BRAF: variants seen among roughly 807,000 people sequenced by gnomAD.
BRAF encodes B-Raf proto-oncogene, serine/threonine kinase.
Under a neutral mutation model 104.6 loss-of-function variants are expected in BRAF, and 16 were observed. The ratio of observed to expected loss-of-function variants is 0.15; its 90% CI spans 0.10 to 0.23. The LOEUF is 0.23. Ranked by LOEUF, BRAF falls within the 10% of genes least tolerant of loss-of-function variation. The probability of loss-of-function intolerance (pLI) is 1.00; values close to 1 mark genes in which losing one functional copy is unlikely to be tolerated. For synonymous variants in BRAF, 310 were observed against 341.6 expected (o/e 0.91, Z 1.02); for missense variants, 541 against 937.3 (o/e 0.58, Z 5.52).
intron 2 of BRAF, among the ~76,000 whole-genome samples, chr7:140,847,071 C>T (rs1808636075): frequency 6.6e-6 from 1 of 152,122 alleles, no homozygotes; most frequent in Non-Finnish European, 1.5e-5. Flanking sequence ...AGGAGAATCA[C>T]TTGAACCCAG....
At chr7:140,791,152 C>T (rs1801922335) in intron 8 of BRAF, among the ~76,000 whole-genome samples, 1 of 151,840 alleles carries the variant, frequency 6.6e-6, no homozygotes, top group Admixed American at 6.6e-5. Context: ...AAAAATTGTC[C>T]CTCAACCCTG....
chr7:140,730,289 T>G (rs1039587394), intron 19 of BRAF, among the ~76,000 whole-genome samples: 6 of 151,926 alleles, frequency 3.9e-5, no homozygotes, highest in Non-Finnish European at 7.4e-5. Flanking sequence ...GGTATATTAA[T>G]TAATAAAAAA....
In BRAF at chr7:140,722,433, C is replaced by T; in HGVS notation, c.*4061G>A. ...GCTTTTTTATTGCATCATGAAGGCACAGTAAGATCATTTGGCAAATTGTCA... is the reference window on the plus strand; with the variant it reads ...GCTTTTTTATTGCATCATGAAGGCATAGTAAGATCATTTGGCAAATTGTCA... On this transcript the variant is annotated 3_prime_UTR_variant, in exon 20 of 20. Coordinates refer to ENST00000644969, the MANE Select transcript of BRAF (RefSeq NM_001374258.1). The T allele has an allele frequency of 1.9e-6, 2 of 1,054,924 alleles. No homozygotes were observed. The highest frequency in any genetic ancestry group is 2.3e-6 in the Non-Finnish European group (2 of 872,826). The allele number at this position is 1,054,924 out of a possible 1,614,324, so 65.3% of individuals were successfully genotyped here. A position where few individuals can be genotyped will look rare whatever the true frequency, so the allele number is the denominator to read the frequency against.
intron 5 of BRAF, among the ~76,000 whole-genome samples, chr7:140,803,719 G>A (rs1052735475): frequency 1.3e-5 from 2 of 152,114 alleles, no homozygotes; most frequent in Non-Finnish European, 2.9e-5. Flanking sequence ...CATGAGTCAC[G>A]TAACAGAACT....
intron 19 of BRAF, chr7:140,733,913 A>T (rs1041663521): frequency 3.0e-5 from 24 of 801,426 alleles, no homozygotes; most frequent in Middle Eastern, 5.9e-4. Flanking sequence ...AGAAACTCCA[A>T]TTTATAACAT....
At chr7:140,739,538 T>C (rs1796731238) in intron 18 of BRAF, among the ~76,000 whole-genome samples, 1 of 149,690 alleles carries the variant, frequency 6.7e-6, no homozygotes, top group Admixed American at 6.6e-5. Flanking sequence ...GGGTCTTCGA[T>C]AATTTTTAAA....
At chr7:140,825,664 T>C (rs1255798542) in intron 3 of BRAF, among the ~76,000 whole-genome samples, 1 of 152,196 alleles carries the variant, frequency 6.6e-6, no homozygotes, top group African/African-American at 2.4e-5. Context: ...TATGGTGCAT[T>C]TGCCCAAGTC....
At chr7:140,779,322 G>C (rs1405964296) in intron 12 of BRAF, among the ~76,000 whole-genome samples, 2 of 152,128 alleles carry the variant, frequency 1.3e-5, no homozygotes, top group African/African-American at 4.8e-5. Context: ...CTGCAGCCTT[G>C]AACTCCTGGG....
chr7:140,862,061 A>G (rs923900925), intron 1 of BRAF, among the ~76,000 whole-genome samples: 1 of 152,208 alleles, frequency 6.6e-6, no homozygotes, highest in African/African-American at 2.4e-5. Context: ...TCCCATTTAG[A>G]AAAGAATCCT....
chr7:140,742,997 G>C (rs1428425351), intron 17 of BRAF, among the ~76,000 whole-genome samples: 1 of 152,176 alleles, frequency 6.6e-6, no homozygotes, highest in Non-Finnish European at 1.5e-5. Flanking sequence ...GGCCATCAGA[G>C]AAATGCAAAT....
chr7:140,910,049 T>C (rs1344639795), intron 1 of BRAF, among the ~76,000 whole-genome samples: 1 of 152,174 alleles, frequency 6.6e-6, no homozygotes, highest in Non-Finnish European at 1.5e-5. Flanking sequence ...ATGCTAATAG[T>C]GTCCTCTTCC....
At chr7:140,918,859 G>A (rs186287664) in intron 1 of BRAF, among the ~76,000 whole-genome samples, 2 of 152,136 alleles carry the variant, frequency 1.3e-5, no homozygotes, top group South Asian at 2.1e-4. Flanking sequence ...TTTTATTCTG[G>A]CCAGGTGTGG....
intron 1 of BRAF, among the ~76,000 whole-genome samples, chr7:140,921,811 A>C (rs530731609): frequency 4.6e-5 from 7 of 152,050 alleles, no homozygotes; most frequent in South Asian, 2.1e-4. Context: ...TAAAAAAAAA[A>C]AACCTACATT....
At position 140,818,074 on chromosome 7, in the gene BRAF, A is replaced by G. The variant is rs561306674; in HGVS notation, c.505-9079T>C. On this transcript the variant is annotated intron_variant, in intron 3 of 19. Coordinates refer to ENST00000644969, the MANE Select transcript of BRAF (RefSeq NM_001374258.1). Reference sequence around the variant, plus strand: ...CATTGGCTTATGGCTACACATATATATAATAAAATACAAAAATATGATTGA... The same window carrying G: ...CATTGGCTTATGGCTACACATATATGTAATAAAATACAAAAATATGATTGA... Among the ~76,000 whole-genome samples the G allele has an allele frequency of 6.6e-5, 10 of 152,210 alleles. No homozygotes were observed. In the East Asian group the frequency reaches 1.7e-3, roughly 26 times the overall value.
chr7:140,714,080 C>G, the BRAF span, among the ~76,000 whole-genome samples: 1 of 152,106 alleles, frequency 6.6e-6, no homozygotes, highest in Non-Finnish European at 1.5e-5. Flanking sequence ...GGCAGTCTGC[C>G]CGTTCTCAGA....
chr7:140,840,654 A>G (rs1375449624), intron 2 of BRAF, among the ~76,000 whole-genome samples: 1 of 151,502 alleles, frequency 6.6e-6, no homozygotes, highest in South Asian at 2.1e-4. Flanking sequence ...ATCCAGGCAC[A>G]GTGACGCATG....
intron 8 of BRAF, among the ~76,000 whole-genome samples, chr7:140,792,192 G>C (rs888486208): frequency 2.0e-5 from 3 of 152,088 alleles, no homozygotes; most frequent in African/African-American, 7.2e-5. Flanking sequence ...GCTATTACTT[G>C]AGTTTAAATA....
chr7:140,780,266 A>G (rs1268148455), intron 12 of BRAF: 2 of 139,596 alleles, frequency 1.4e-5, no homozygotes, highest in African/African-American at 5.6e-5. Context: ...TTTTTTTAAG[A>G]CAGTCTCGCT....
At chr7:140,737,988 T>C (rs964916384) in intron 18 of BRAF, among the ~76,000 whole-genome samples, 8 of 152,184 alleles carry the variant, frequency 5.3e-5, no homozygotes, top group Non-Finnish European at 8.8e-5. Context: ...GCATTATTAA[T>C]GTCAATAAAC....
Sources: allele counts gnomAD v4.1 joint callset (sites outside exome capture counted in the v4.1 genomes callset), GRCh38; gene constraint gnomAD v4.1.1; transcripts MANE v1.5; gene names NCBI Gene and HGNC (gene_info 2026-07-23, HGNC 2026-07-21).